Variants in CLCN2 observed in about 807,000 individuals in gnomAD.
The protein encoded by CLCN2 is chloride channel protein 2.
A neutral mutation model predicts 108.3 loss-of-function variants in CLCN2; 72 were observed. The ratio of observed to expected loss-of-function variants is 0.66; its 90% CI spans 0.55 to 0.81. CLCN2 has a LOEUF of 0.81. Ranked by LOEUF, CLCN2 falls within the 30% of genes least tolerant of loss-of-function variation. The pLI is 0.00. For synonymous variants in CLCN2, 471 were observed against 467.1 expected, an observed-to-expected ratio of 1.01 and a Z score of -0.11; for missense variants, 1,048 against 1,205.2, an observed-to-expected ratio of 0.87 and a Z score of 1.93.
In CLCN2 at chr3:184,355,777, G is replaced by A. The variant is rs1434989972; in HGVS notation, c.1087C>T (p.Arg363Cys). The A allele has an allele frequency of 6.2e-7, 1 of 1,614,020 alleles. No homozygotes were observed. The highest frequency in any genetic ancestry group is 2.2e-5 in the East Asian group (1 of 44,884). Residue 363 changes from arginine to cysteine, a missense_variant and splice_region_variant, in exon 11 of 24, where the codon CGC becomes TGC. Physicochemically the swap from Arg to Cys is radical, Grantham distance 180. Transcript: ENST00000265593. The surrounding 1 kb of genome is among the most constrained non-coding windows in gnomAD (Gnocchi z 6.3). ...GTCACCAGAGCCGGGAAGAGCAGGCGTCTAGAGTCGTAGGTTTCACATCAG... is the reference window on the plus strand; with the variant it reads ...GTCACCAGAGCCGGGAAGAGCAGGCATCTAGAGTCGTAGGTTTCACATCAG... ...KTINRFLMRK[R>C]LLFPALVTLL... is the part of the protein sequence containing the mutation.
intron 10 of CLCN2, chr3:184,356,414 T>G (rs1376620518): frequency 6.2e-6 from 1 of 162,234 alleles, no homozygotes; most frequent in Non-Finnish European, 1.3e-5. Context: ...GAGGCCAAGG[T>G]GGGCAGACCT....
At position 184,353,403 on chromosome 3, in the gene CLCN2, G is replaced by A; in HGVS notation, c.1875C>T (p.Gly625=). The A allele has an allele frequency of 6.2e-7, 1 of 1,611,408 alleles. No homozygotes were observed. Residue 625 remains glycine (G), a synonymous_variant, in exon 17 of 24, where the codon GGC becomes GGT. Coordinates refer to ENST00000265593, the MANE Select transcript of CLCN2 (RefSeq NM_004366.6). ...CCACCACCTGTGAACGCTCGATGGA[G>A]CCCAGCAGAATCATGGACTCTGGAC... The part of the protein sequence containing the change: ...VESPESMILL[G]SIERSQVVAL...
At chr3:184,351,972 T>A (rs1477810489) in intron 22 of CLCN2, 41 bp downstream of exon 22, 7 of 1,445,562 alleles carry the variant, frequency 4.8e-6, no homozygotes, top group Non-Finnish European at 1.9e-6. Flanking sequence ...CACTGTGTCC[T>A]GAGAGCCTAG....
In CLCN2 at chr3:184,354,664, GGGAGGGGGGTGGGAAGAGAAAGAGGCAGT is replaced by G; in HGVS notation, c.1397-35_1397-7del. ...CAGACGCCCAAATGCTGCTCCTTCA[GGGAGGGGGGTGGGAAGAGAAAGAGGCAGT>G]GGAGGGGGAGGGCAGGGGGCACTAG... is the stretch of plus-strand genomic sequence containing the variant. On this transcript the variant is annotated splice_polypyrimidine_tract_variant and splice_region_variant and intron_variant, in intron 13 of 23. Transcript: ENST00000265593. 6.6e-7 allele frequency: 1 copy of G among 1,514,686 alleles called. No homozygotes were observed. The highest frequency in any genetic ancestry group is 8.9e-7 in the Non-Finnish European group (1 of 1,117,930). The allele number at this position is 1,514,686 out of a possible 1,614,324, so 93.8% of individuals were successfully genotyped here.
In CLCN2 at chr3:184,353,736, C is replaced by T; in HGVS notation, c.1781G>A (p.Ser594Asn). Reference sequence around the variant, plus strand: ...CAAACGCAGGTCCCGGAAGGTGCAGCTGAGGGCCACATGGGGAACATCCCG... The same window carrying T: ...CAAACGCAGGTCCCGGAAGGTGCAGTTGAGGGCCACATGGGGAACATCCCG... ...MVRDVPHVAL[S>N]CTFRDLRLAL... The change falls in exon 16 of 24, where the codon AGC becomes AAC. Residue 594 changes from serine (S) to asparagine (N), a missense_variant. Transcript: ENST00000265593. 6.2e-7 allele frequency: 1 copy of T among 1,607,948 alleles called. No individual in the cohort carries two copies. The highest frequency in any genetic ancestry group is 8.5e-7 in the Non-Finnish European group (1 of 1,177,688).
rs1265558229 is a variant in CLCN2, at chr3:184,361,598, C to T, written c.-119G>A. ...TCCCCGCAGCCCGGGAGGCCGAGAG[C>T]AGAGTGCGGCGGGCCCCCGGCGGGC... is the stretch of plus-strand genomic sequence containing the variant. On this transcript the variant is annotated 5_prime_UTR_variant, in exon 1 of 24. Transcript: ENST00000265593. This position sits in a 1 kb window ranked among gnomAD's most constrained non-coding sequence, Gnocchi z 6.6. 1.2e-5 allele frequency: 12 copies of T among 998,192 alleles called. No individual in the cohort carries two copies. Among genetic ancestry groups the T allele is most frequent in the Non-Finnish European group, 1.6e-5 (12 of 732,714 alleles). 61.8% of individuals were successfully genotyped at this position (998,192 alleles called of 1,614,324 possible).
chr3:184,355,564 G>A lies in CLCN2; in HGVS notation c.1171-35C>T, dbSNP rs377347257. On this transcript the variant is annotated intron_variant, in intron 11 of 23. Coordinates refer to ENST00000265593, the MANE Select transcript of CLCN2 (RefSeq NM_004366.6). The surrounding 1 kb of genome is among the most constrained non-coding windows in gnomAD (Gnocchi z 6.3). ...ACAGGGTGCCTCAGGCTGGGAAACC[G>A]ACAGGATGAAGGGAAGAGGCCATGG... 26 of 1,613,414 alleles carry A rather than the reference G, an allele frequency of 1.6e-5. No individual in the cohort carries two copies. The African/African-American group carries it at 1.9e-4, about 12-fold the overall frequency.
chr3:184,356,703 A>T (rs1368680025), intron 10 of CLCN2: 1 of 453,470 alleles, frequency 2.2e-6, no homozygotes, highest in Non-Finnish European at 4.0e-6. Flanking sequence ...CCTGAGGCTC[A>T]AACACTCTCC....
chr3:184,348,884 C>T (rs543163379), intron 22 of CLCN2: 18 of 152,342 alleles, frequency 1.2e-4, no homozygotes, highest in African/African-American at 4.3e-4. Flanking sequence ...TGACTGTAGC[C>T]TCACTATCCT....
Position 184,361,425 on chromosome 3 carries a change from G to T in CLCN2, c.55C>A (p.Gln19Lys). ...AGCTCAGCTTCACTTACCAGGGTCT[G>T]CTCGTACTGCAGCGCCCGTGGCTCC... ...GMEPRALQYE[Q>K]TLMYGRYTQD... The change falls in exon 1 of 24, where the codon CAG (glutamine) becomes AAG (lysine). Residue 19 changes from glutamine (Q) to lysine (K), a missense_variant. Gln to Lys is a moderately conservative substitution (Grantham distance 53). Coordinates refer to ENST00000265593, the MANE Select transcript of CLCN2 (RefSeq NM_004366.6). The surrounding 1 kb of genome is among the most constrained non-coding windows in gnomAD (Gnocchi z 6.6). The T allele has an allele frequency of 6.2e-7, 1 of 1,613,544 alleles. No homozygotes were observed. The highest frequency in any genetic ancestry group is 1.3e-5 in the African/African-American group (1 of 75,048).
In CLCN2 at chr3:184,355,834, A is replaced by AT. The variant is rs770930378; in HGVS notation, c.1086-57dup. ...GTGGCCAAGGGCTGGGTGGCCTCGC[A>AT]TATCTCAGGGCTGAGGTCAGAGCAG... On this transcript the variant is annotated intron_variant, in intron 10 of 23. Coordinates refer to ENST00000265593, the MANE Select transcript of CLCN2 (RefSeq NM_004366.6). The surrounding 1 kb of genome is among the most constrained non-coding windows in gnomAD (Gnocchi z 6.3). 2 of 1,416,932 alleles carry AT rather than the reference A, an allele frequency of 1.4e-6. No homozygotes were observed. The highest frequency in any genetic ancestry group is 2.0e-6 in the Non-Finnish European group (2 of 1,006,268). 87.8% of individuals were successfully genotyped at this position (1,416,932 alleles called of 1,614,324 possible).
At chr3:184,350,746 T>C (rs894108853) in intron 22 of CLCN2, among the ~76,000 whole-genome samples, 14 of 152,196 alleles carry the variant, frequency 9.2e-5, no homozygotes, top group Non-Finnish European at 1.5e-4. Flanking sequence ...CTGCTACTTA[T>C]TAGCTGTGTG....
Position 184,355,455 on chromosome 3 carries a change from T to C in CLCN2, c.1245A>G (p.Leu415=), listed in dbSNP as rs769472370. The C allele has an allele frequency of 1.4e-5, 23 of 1,613,898 alleles. No homozygotes were observed. The African/African-American group carries it at 2.8e-4, about 20-fold the overall frequency. Residue 415 remains leucine (L), a synonymous_variant, in exon 12 of 24, where the codon CTA becomes CTG. Transcript: ENST00000265593. The surrounding 1 kb of genome is among the most constrained non-coding windows in gnomAD (Gnocchi z 6.3). The stretch of plus-strand genomic sequence containing the variant: ...AGGCCTGTGAGGTGCTGGGTGGTTC[T>C]AGCTCCTCCACCAGGCCCTGGCGGA... ...TWVRQGLVEE[L]EPPSTSQAWN... is the part of the protein sequence containing the mutation.
chr3:184,351,473 T>C (rs1462293817), intron 22 of CLCN2, among the ~76,000 whole-genome samples: 1 of 152,214 alleles, frequency 6.6e-6, no homozygotes, highest in Non-Finnish European at 1.5e-5. Context: ...CCCGCGTCCG[T>C]ACCAGTTTTC....
chr3:184,355,278 G>A lies in CLCN2; in HGVS notation c.1326+96C>T. 4.4e-6 allele frequency: 6 copies of A among 1,350,988 alleles called. No homozygotes were observed. The highest frequency in any genetic ancestry group is 1.2e-5 in the South Asian group (1 of 85,042). 83.7% of individuals were successfully genotyped at this position (1,350,988 alleles called of 1,614,324 possible). On this transcript the variant is annotated intron_variant, in intron 12 of 23. Transcript: ENST00000265593. The surrounding 1 kb of genome is among the most constrained non-coding windows in gnomAD (Gnocchi z 6.3). ...GGGTGATAATAGTGCCTTTCCCATGGCACTGTGGAGAGGCTTCGAGGAGTG... is the reference window on the plus strand; with the variant it reads ...GGGTGATAATAGTGCCTTTCCCATGACACTGTGGAGAGGCTTCGAGGAGTG...
intron 22 of CLCN2, 76 bp from the exon 23 acceptor site, chr3:184,347,097 G>T: frequency 7.8e-7 from 1 of 1,285,378 alleles, no homozygotes; most frequent in Non-Finnish European, 1.1e-6. Flanking sequence ...AGGGGCCCAG[G>T]ACAAGGTTGG....
chr3:184,353,313 G>T lies in CLCN2; in HGVS notation c.1965C>A (p.Thr655=), dbSNP rs1299708000. The stretch of plus-strand genomic sequence containing the variant: ...CCTGATCAGATAGTGGAGAGGTCTG[G>T]GTGGCTCTGCGCTCCTGCATGTGCT... The part of the protein sequence containing the change: ...RRQHMQERRA[T]QTSPLSDQEG... The change falls in exon 17 of 24, where the codon ACC becomes ACA. Residue 655 remains threonine, a synonymous_variant. Coordinates refer to ENST00000265593, the MANE Select transcript of CLCN2 (RefSeq NM_004366.6). 6 of 1,613,612 alleles carry T rather than the reference G, an allele frequency of 3.7e-6. No homozygotes were observed. The highest frequency in any genetic ancestry group is 4.2e-6 in the Non-Finnish European group (5 of 1,180,002).
chr3:184,352,496 T>TC lies in CLCN2; in HGVS notation c.2218-1dup (p.Lys740GlufsTer6), dbSNP rs1728188037. 1 of 1,612,740 alleles carries TC rather than the reference T, an allele frequency of 6.2e-7. No individual in the cohort carries two copies. The highest frequency in any genetic ancestry group is 1.7e-5 in the Admixed American group (1 of 59,886). ...TTGCGCTTCTCACAGGATTCCAACT[T>TC]CTTCAGTTTTGTTAGAGCCAAACCA... On this transcript the variant is annotated frameshift_variant and splice_region_variant. Transcript: ENST00000265593. LOFTEE classifies it high-confidence loss of function.
chr3:184,359,989 G>T (rs1251871438), intron 1 of CLCN2, among the ~76,000 whole-genome samples: 43 of 151,652 alleles, frequency 2.8e-4, no homozygotes, highest in South Asian at 6.3e-4. Flanking sequence ...GCTGGGATGG[G>T]GGGGAGGGAG....
Sources: gnomAD v4.1 joint callset for allele counts (sites outside exome capture counted in the v4.1 genomes callset) on GRCh38, gnomAD v4.1.1 for gene constraint, Gnocchi (gnomAD v3.1) non-coding constraint, MANE v1.5 for transcripts, NCBI Gene and HGNC (gene_info 2026-07-23, HGNC 2026-07-21) for gene names.